The following XYLT1 variants were observed in gnomAD, a reference collection of about 807,000 sequenced individuals.
The protein encoded by XYLT1 is xylosyltransferase 1.
Under a neutral mutation model 91.3 loss-of-function variants are expected in XYLT1, and 36 were observed. The ratio of observed to expected loss-of-function variants is 0.39; its 90% confidence interval spans 0.30 to 0.52. The LOEUF (loss-of-function observed/expected upper bound fraction) is 0.52. XYLT1 is among the 20% of genes least tolerant of loss of function. The pLI is 0.68. For missense variants in XYLT1, 1,242 were observed against 1,284.5 expected (o/e 0.97, Z 0.51); for synonymous variants, 588 against 532.0 (o/e 1.11, Z -1.45).
chr16:17,311,065 A>G lies in XYLT1; in HGVS notation c.402+46947T>C, dbSNP rs189780756. Among the ~76,000 whole-genome samples, 73 of 152,240 alleles carry G rather than the reference A, an allele frequency of 4.8e-4. 1 individual carries two copies. Among genetic ancestry groups the G allele is most frequent in the Middle Eastern group, 6.8e-3 (2 of 294 alleles). On this transcript the variant is annotated intron_variant, in intron 2 of 11. Coordinates refer to ENST00000261381, the MANE Select transcript of XYLT1 (RefSeq NM_022166.4). ...GTTTCCAGCCCCAAACTTGATGAAG[A>G]TGGGGCTCCCTTCCTTGCCTTCAGC...
At chr16:17,402,743 CTTT>C (rs368996011) in intron 1 of XYLT1, among the ~76,000 whole-genome samples, 2 of 136,320 alleles carry the variant, frequency 1.5e-5, no homozygotes, top group Non-Finnish European at 3.2e-5. Flanking sequence ...TTTTTCTTTT[CTTT>C]TTTTTTTTTT....
At chr16:17,246,062 C>G (rs900495059) in intron 3 of XYLT1, among the ~76,000 whole-genome samples, 1 of 152,178 alleles carries the variant, frequency 6.6e-6, no homozygotes, top group African/African-American at 2.4e-5. Flanking sequence ...GCAGCTGCTC[C>G]TATAGACACC....
chr16:17,264,882 G>T (rs1001998344), intron 2 of XYLT1, among the ~76,000 whole-genome samples: 1 of 152,046 alleles, frequency 6.6e-6, no homozygotes, highest in African/African-American at 2.4e-5. Flanking sequence ...TGGTATCCAT[G>T]GGGATGATAA....
chr16:17,244,364 C>T (rs769064007), intron 3 of XYLT1, among the ~76,000 whole-genome samples: 12 of 151,966 alleles, frequency 7.9e-5, no homozygotes, highest in African/African-American at 1.2e-4. Context: ...GGACTAGGCA[C>T]GAGAGATGTT....
In XYLT1 at chr16:17,357,995, A is replaced by G; in HGVS notation, c.402+17T>C. ...ACTAAGGCTGAGATAAGTGGCCAAG[A>G]CAGGAAAGATACTTACCTGAGTCTC... On this transcript the variant is annotated intron_variant, in intron 2 of 11. Coordinates refer to ENST00000261381, the MANE Select transcript of XYLT1 (RefSeq NM_022166.4). The G allele has an allele frequency of 6.2e-7, 1 of 1,613,256 alleles. No homozygotes were observed. Among genetic ancestry groups the G allele is most frequent in the Non-Finnish European group, 8.5e-7 (1 of 1,179,602 alleles).
intron 1 of XYLT1, among the ~76,000 whole-genome samples, chr16:17,451,065 T>C (rs980973033): frequency 1.3e-5 from 2 of 152,216 alleles, no homozygotes; most frequent in South Asian, 2.1e-4. Flanking sequence ...GGGAAGGTTG[T>C]TGGACAGAGT....
chr16:17,220,892 A>C (rs2032955592), intron 3 of XYLT1, among the ~76,000 whole-genome samples: 1 of 152,146 alleles, frequency 6.6e-6, no homozygotes, highest in Non-Finnish European at 1.5e-5. Flanking sequence ...TTGCTTGTTT[A>C]TGTCCTTTTC....
intron 1 of XYLT1, among the ~76,000 whole-genome samples, chr16:17,367,778 T>C (rs2035474396): frequency 6.6e-6 from 1 of 152,168 alleles, no homozygotes; most frequent in African/African-American, 2.4e-5. Flanking sequence ...ATATTATTAA[T>C]AGATTCCAGT....
intron 2 of XYLT1, among the ~76,000 whole-genome samples, chr16:17,280,978 T>G (rs1567354587): frequency 6.6e-6 from 1 of 152,182 alleles, no homozygotes. Flanking sequence ...GATGCCCAGG[T>G]GCCCACACGG....
intron 1 of XYLT1, among the ~76,000 whole-genome samples, chr16:17,442,889 T>C (rs1252188189): frequency 2.0e-5 from 3 of 152,120 alleles, no homozygotes; most frequent in African/African-American, 7.2e-5. Flanking sequence ...GGATTTGGAT[T>C]TTCTTCTTCA....
Position 17,239,504 on chromosome 16 carries a change from T to TCATCCATC in XYLT1, c.913+19476_913+19483dup, listed in dbSNP as rs147770428. On this transcript the variant is annotated intron_variant, in intron 3 of 11. Coordinates refer to ENST00000261381, the MANE Select transcript of XYLT1 (RefSeq NM_022166.4). ...CCATCCACCCACCCAGTCCATCTAT[T>TCATCCATC]CATCCATCCATCCATCCATCCATCC... Among the ~76,000 whole-genome samples, 752 of 128,346 alleles carry TCATCCATC rather than the reference T, an allele frequency of 5.9e-3. 5 individuals carry two copies. The highest frequency in any genetic ancestry group is 0.022 in the African/African-American group (698 of 32,282). The allele number at this position is 128,346 out of a possible 152,430, so 84.2% of individuals were successfully genotyped here.
intron 2 of XYLT1, among the ~76,000 whole-genome samples, chr16:17,271,242 T>C (rs1392595343): frequency 6.6e-6 from 1 of 152,140 alleles, no homozygotes; most frequent in Non-Finnish European, 1.5e-5. Context: ...CTCTAATTAA[T>C]TGCAGCATTC....
intron 10 of XYLT1, among the ~76,000 whole-genome samples, chr16:17,122,901 T>C (rs2030124720): frequency 6.6e-6 from 1 of 152,214 alleles, no homozygotes; most frequent in Non-Finnish European, 1.5e-5. Flanking sequence ...TTTGGCTTTA[T>C]TTCTGGGTTC....
chr16:17,331,834 G>A (rs973520491), intron 2 of XYLT1, among the ~76,000 whole-genome samples: 4 of 152,134 alleles, frequency 2.6e-5, no homozygotes, highest in Non-Finnish European at 4.4e-5. Context: ...TGACACCTGG[G>A]GAAAGCCAAG....
intron 2 of XYLT1, among the ~76,000 whole-genome samples, chr16:17,339,652 G>C (rs1447662444): frequency 1.3e-5 from 2 of 152,098 alleles, no homozygotes; most frequent in Non-Finnish European, 2.9e-5. Flanking sequence ...AGATTCCGAA[G>C]GGATTTACAA....
chr16:17,215,174 G>C (rs1490546035), intron 3 of XYLT1, among the ~76,000 whole-genome samples: 1 of 152,108 alleles, frequency 6.6e-6, no homozygotes, highest in African/African-American at 2.4e-5. Flanking sequence ...TGGCCAATAT[G>C]GTAAAAACTT....
chr16:17,369,335 T>C (rs1271639330), intron 1 of XYLT1, among the ~76,000 whole-genome samples: 1 of 152,036 alleles, frequency 6.6e-6, no homozygotes, highest in Non-Finnish European at 1.5e-5. Context: ...GGTGCCAGCA[T>C]TTAAAATTTA....
intron 5 of XYLT1, among the ~76,000 whole-genome samples, chr16:17,168,702 G>C (rs1317780432): frequency 6.6e-6 from 1 of 152,054 alleles, no homozygotes; most frequent in Non-Finnish European, 1.5e-5. Flanking sequence ...TGTTTTCCTG[G>C]ACTCCACAGG....
At chr16:17,152,241 A>G (rs1024898714) in intron 6 of XYLT1, among the ~76,000 whole-genome samples, 10 of 152,204 alleles carry the variant, frequency 6.6e-5, no homozygotes, top group Non-Finnish European at 1.2e-4. Flanking sequence ...GAAAGAAGAA[A>G]AGTTCTAAAG....
Sources: gnomAD v4.1 joint callset for allele counts (sites outside exome capture counted in the v4.1 genomes callset) on GRCh38, gnomAD v4.1.1 for gene constraint, MANE v1.5 for transcripts, NCBI Gene and HGNC (gene_info 2026-07-23, HGNC 2026-07-21) for gene names.